Variants in PDGFC observed in about 807,000 individuals in gnomAD.
PDGFC encodes platelet-derived growth factor C.
Under a neutral mutation model 35.5 loss-of-function variants are expected in PDGFC, and 12 were observed. The observed-to-expected ratio is 0.34, with a 90% confidence interval of 0.22 to 0.55. PDGFC has a LOEUF of 0.55. PDGFC is among the 20% of genes least tolerant of loss of function. The pLI is 0.91. For synonymous variants in PDGFC, 159 were observed against 148.8 expected, an observed-to-expected ratio of 1.07 and a Z score of -0.50; for missense variants, 322 against 412.4, an observed-to-expected ratio of 0.78 and a Z score of 1.90.
intron 3 of PDGFC, among the ~76,000 whole-genome samples, chr4:156,793,909 A>G (rs1185665601): frequency 6.6e-6 from 1 of 152,030 alleles, no homozygotes; most frequent in Non-Finnish European, 1.5e-5. Flanking sequence ...ACTCAAGGTT[A>G]TAAGAACACA....
At position 156,767,916 on chromosome 4, in the gene PDGFC, T is replaced by G; in HGVS notation, c.778A>C (p.Arg260=). The G allele has an allele frequency of 6.2e-7, 1 of 1,613,100 alleles. No homozygotes were observed. The change falls in exon 5 of 6, where the codon AGG becomes CGG. Residue 260 remains arginine (R), a synonymous_variant. Transcript: ENST00000502773. Reference sequence around the variant, plus strand: ...GTATCGGTTCTCTTTAGTTCTTCCCTTATGGACACTGAGAAGTTACGAGGT... The same window carrying G: ...GTATCGGTTCTCTTTAGTTCTTCCCGTATGGACACTGAGAAGTTACGAGGT... The part of the protein sequence containing the change: ...CTPRNFSVSI[R]EELKRTDTIF...
At chr4:156,902,656 G>T in intron 1 of PDGFC, among the ~76,000 whole-genome samples, 1 of 151,934 alleles carries the variant, frequency 6.6e-6, no homozygotes, top group Non-Finnish European at 1.5e-5. Context: ...ATAGTATTTT[G>T]TACAAATTTA....
At chr4:156,775,581 G>T (rs1730807614) in intron 3 of PDGFC, among the ~76,000 whole-genome samples, 1 of 152,076 alleles carries the variant, frequency 6.6e-6, no homozygotes, top group Non-Finnish European at 1.5e-5. Flanking sequence ...CATTTCTTTT[G>T]AAGCAATACA....
At chr4:156,938,138 TAC>T (rs573775416) in intron 1 of PDGFC, among the ~76,000 whole-genome samples, 4 of 150,940 alleles carry the variant, frequency 2.7e-5, no homozygotes, top group East Asian at 1.9e-4. Context: ...TATATGAAAA[TAC>T]ACACACACAC....
intron 1 of PDGFC, among the ~76,000 whole-genome samples, chr4:156,882,739 T>C (rs976503253): frequency 2.0e-5 from 3 of 152,198 alleles, no homozygotes; most frequent in African/African-American, 7.2e-5. Flanking sequence ...GTTTGAGTTG[T>C]GACTGTATTA....
chr4:156,893,336 G>C (rs1560860786), intron 1 of PDGFC, among the ~76,000 whole-genome samples: 2 of 101,210 alleles, frequency 2.0e-5, no homozygotes, highest in Non-Finnish European at 5.1e-5. Context: ...GCTCTAACTA[G>C]ATTTTTTTTT....
rs1730580780 is a variant in PDGFC at position 156,767,791 on chromosome 4, A to G, written c.903T>C (p.Val301=). Residue 301 remains valine (V), a synonymous_variant, in exon 5 of 6, where the codon GTT becomes GTC. Transcript: ENST00000502773. ...TACCTACCTCGTGGTATTTTTTAGT[A>G]ACTTTGCTTGGGACACATTGACATT... ...CNECQCVPSK[V]TKKYHEVLQL... 7 of 1,611,552 alleles carry G rather than the reference A, an allele frequency of 4.3e-6. No homozygotes were observed. The highest frequency in any genetic ancestry group is 5.9e-6 in the Non-Finnish European group (7 of 1,177,848).
At chr4:156,920,633 C>T (rs879782937) in intron 1 of PDGFC, among the ~76,000 whole-genome samples, 11 of 146,244 alleles carry the variant, frequency 7.5e-5, no homozygotes, top group African/African-American at 2.5e-4. Flanking sequence ...AAAAGCTTAA[C>T]AGGAAAAGAA....
intron 1 of PDGFC, among the ~76,000 whole-genome samples, chr4:156,953,984 T>C (rs1179220082): frequency 6.6e-6 from 1 of 151,974 alleles, no homozygotes; most frequent in African/African-American, 2.4e-5. Context: ...CTGCCTCATA[T>C]AGAGAAACAA....
At chr4:156,849,164 C>T (rs534523613) in intron 2 of PDGFC, among the ~76,000 whole-genome samples, 4 of 152,052 alleles carry the variant, frequency 2.6e-5, no homozygotes, top group East Asian at 3.9e-4. Context: ...CAAATCTGAA[C>T]GAGATCTAGG....
At chr4:156,776,019 T>C (rs1730818743) in intron 3 of PDGFC, among the ~76,000 whole-genome samples, 2 of 152,020 alleles carry the variant, frequency 1.3e-5, no homozygotes, top group Admixed American at 1.3e-4. Flanking sequence ...CTCCACCCAC[T>C]GGTTCAAGAA....
At chr4:156,896,796 T>C (rs1579084459) in intron 1 of PDGFC, among the ~76,000 whole-genome samples, 1 of 152,094 alleles carries the variant, frequency 6.6e-6, no homozygotes, top group African/African-American at 2.4e-5. Flanking sequence ...CCCATGAAAA[T>C]ATAGGCGGCC....
chr4:156,964,503 C>T (rs756977975), intron 1 of PDGFC, among the ~76,000 whole-genome samples: 10 of 149,476 alleles, frequency 6.7e-5, no homozygotes, highest in Non-Finnish European at 1.3e-4. Context: ...TATACCATTC[C>T]ATTTGACTAA....
At chr4:156,922,154 TAGTGTG>T (rs1731298122) in intron 1 of PDGFC, among the ~76,000 whole-genome samples, 1 of 86,598 alleles carries the variant, frequency 1.2e-5, no homozygotes, top group East Asian at 3.9e-4. Context: ...CAAGGATTCA[TAGTGTG>T]TGTGTGTGTG....
At chr4:156,788,612 G>A (rs1464707947) in intron 3 of PDGFC, among the ~76,000 whole-genome samples, 1 of 151,996 alleles carries the variant, frequency 6.6e-6, no homozygotes, top group African/African-American at 2.4e-5. Flanking sequence ...TCAAAGAAAG[G>A]GTATTTGGTT....
chr4:156,949,282 G>C (rs1487952087), intron 1 of PDGFC, among the ~76,000 whole-genome samples: 1 of 151,810 alleles, frequency 6.6e-6, no homozygotes, highest in Non-Finnish European at 1.5e-5. Context: ...AAGTTGAAAA[G>C]TATTTATTAC....
intron 2 of PDGFC, among the ~76,000 whole-genome samples, chr4:156,832,005 A>C (rs2111024905): frequency 6.6e-6 from 1 of 152,172 alleles, no homozygotes; most frequent in South Asian, 2.1e-4. Flanking sequence ...CCCATCCTAT[A>C]AACTGTTACT....
chr4:156,797,704 TCCTGGGCCACATGGG>T (rs1374652194), intron 3 of PDGFC, among the ~76,000 whole-genome samples: 1 of 152,168 alleles, frequency 6.6e-6, no homozygotes, highest in Non-Finnish European at 1.5e-5. Context: ...TTGAAAGCCG[TCCTGGGCCACATGGG>T]GCCCGCGAGC....
intron 1 of PDGFC, among the ~76,000 whole-genome samples, chr4:156,868,429 C>T (rs903802287): frequency 6.6e-6 from 1 of 152,160 alleles, no homozygotes; most frequent in Admixed American, 6.5e-5. Context: ...TAAGGATTAT[C>T]TGTCACCAAC....
Sources: gnomAD v4.1 joint callset for allele counts (sites outside exome capture counted in the v4.1 genomes callset) on GRCh38, gnomAD v4.1.1 for gene constraint, MANE v1.5 for transcripts, NCBI Gene and HGNC (gene_info 2026-07-23, HGNC 2026-07-21) for gene names.